DYNC1I1: variants seen among roughly 807,000 people sequenced by gnomAD.
DYNC1I1 encodes dynein cytoplasmic 1 intermediate chain 1.
DYNC1I1 carries 43 observed loss-of-function variants against 86.6 expected under a neutral mutation model. The observed-to-expected ratio is 0.50, with a 90% CI of 0.39 to 0.64. DYNC1I1 has a LOEUF of 0.64. DYNC1I1 is among the 30% of genes least tolerant of loss of function. The pLI is 0.00. For synonymous variants in DYNC1I1, 262 were observed against 283.7 expected (o/e 0.92, Z 0.77); for missense variants, 604 against 788.8 (o/e 0.77, Z 2.81).
At chr7:95,815,779 T>C (rs758040917) in intron 4 of DYNC1I1, among the ~76,000 whole-genome samples, 3 of 152,176 alleles carry the variant, frequency 2.0e-5, no homozygotes, top group African/African-American at 4.8e-5. Context: ...GGTAAATCTT[T>C]CAGAAGATAA....
chr7:95,994,366 T>A (rs1211266949), intron 9 of DYNC1I1, among the ~76,000 whole-genome samples: 1 of 152,124 alleles, frequency 6.6e-6, no homozygotes, highest in Non-Finnish European at 1.5e-5. Context: ...GGGCTTTAAT[T>A]GGCAGGACAG....
chr7:96,108,443 C>T (rs1320457931), intron 16 of DYNC1I1, among the ~76,000 whole-genome samples: 1 of 152,156 alleles, frequency 6.6e-6, no homozygotes, highest in East Asian at 1.9e-4. Context: ...ATGCTGTCCT[C>T]ATAAAATGAA....
At chr7:95,997,725 A>AT (rs1221423228) in intron 10 of DYNC1I1, among the ~76,000 whole-genome samples, 11 of 151,736 alleles carry the variant, frequency 7.2e-5, no homozygotes, top group Admixed American at 7.2e-4. Context: ...TATACTCGTG[A>AT]TTTTAAAAAA....
intron 1 of DYNC1I1, among the ~76,000 whole-genome samples, chr7:95,803,266 T>A (rs550701990): frequency 6.6e-6 from 1 of 152,324 alleles, no homozygotes; most frequent in Non-Finnish European, 1.5e-5. Flanking sequence ...AGAGAACATC[T>A]CCATCCACAC....
At chr7:95,940,157 C>G (rs527513920) in intron 6 of DYNC1I1, among the ~76,000 whole-genome samples, 1 of 152,266 alleles carries the variant, frequency 6.6e-6, no homozygotes, top group South Asian at 2.1e-4. Flanking sequence ...GAGTTTCTGC[C>G]GAGAGATCCG....
rs747092752 is a variant in DYNC1I1, at chr7:95,851,062, G to A, written c.375-18821G>A. ...TGCGATCCTCCTGCCTCAGCCTGCC[G>A]TGCAGCTGGGACCACAGCGTACCCT... On this transcript the variant is annotated intron_variant, in intron 5 of 16. Transcript: ENST00000447467. 5.3e-5 allele frequency among the ~76,000 whole-genome samples: 8 copies of A among 151,906 alleles called. No homozygotes were observed. The East Asian group carries it at 9.7e-4, about 18-fold the overall frequency.
chr7:96,050,034 CAAACAAAA>C (rs1439642219), intron 14 of DYNC1I1, among the ~76,000 whole-genome samples: 1 of 140,358 alleles, frequency 7.1e-6, no homozygotes, highest in Non-Finnish European at 1.5e-5. Context: ...AAAAAACAAA[CAAACAAAA>C]AAAAAAACAG....
chr7:95,904,361 C>G (rs1020518638), intron 6 of DYNC1I1, among the ~76,000 whole-genome samples: 1 of 152,098 alleles, frequency 6.6e-6, no homozygotes, highest in African/African-American at 2.4e-5. Context: ...GAAGGAGATG[C>G]ACCCTAGTAA....
chr7:95,861,975 A>C (rs1429894834), intron 5 of DYNC1I1, among the ~76,000 whole-genome samples: 1 of 152,216 alleles, frequency 6.6e-6, no homozygotes, highest in Non-Finnish European at 1.5e-5. Flanking sequence ...AAAATTAAGC[A>C]TAGGAAAACT....
intron 3 of DYNC1I1, among the ~76,000 whole-genome samples, chr7:95,812,566 G>A (rs545421546): frequency 6.6e-6 from 1 of 152,148 alleles, no homozygotes. Flanking sequence ...GGCAAAACAA[G>A]TCCCAAAGAC....
intron 5 of DYNC1I1, among the ~76,000 whole-genome samples, chr7:95,859,433 T>G (rs1789816137): frequency 6.6e-6 from 1 of 152,208 alleles, no homozygotes; most frequent in Non-Finnish European, 1.5e-5. Flanking sequence ...AGGATATACA[T>G]GCTTATTCCA....
chr7:96,028,482 G>A (rs1459759728), intron 11 of DYNC1I1, among the ~76,000 whole-genome samples, 161 bp downstream of exon 11: 11 of 152,188 alleles, frequency 7.2e-5, no homozygotes, highest in Admixed American at 7.2e-4. Flanking sequence ...AAAAGTAGAT[G>A]AAGGAAGCAC....
intron 10 of DYNC1I1, among the ~76,000 whole-genome samples, chr7:95,997,471 AT>A (rs1325235187): frequency 3.3e-5 from 5 of 152,070 alleles, no homozygotes; most frequent in African/African-American, 1.2e-4. Flanking sequence ...CTTTATCATG[AT>A]TTTTAAATTT....
chr7:96,075,284 G>C (rs939815136), intron 14 of DYNC1I1, among the ~76,000 whole-genome samples: 1 of 151,800 alleles, frequency 6.6e-6, no homozygotes, highest in Admixed American at 6.6e-5. Context: ...GTATGTTAAC[G>C]CATTTCCACA....
At chr7:95,932,697 T>G (rs1791930698) in intron 6 of DYNC1I1, among the ~76,000 whole-genome samples, 1 of 152,156 alleles carries the variant, frequency 6.6e-6, no homozygotes, top group Non-Finnish European at 1.5e-5. Flanking sequence ...TCACAAATGT[T>G]AAGTGATTTG....
At chr7:95,790,728 G>A (rs1019095894) in intron 1 of DYNC1I1, among the ~76,000 whole-genome samples, 2 of 152,192 alleles carry the variant, frequency 1.3e-5, no homozygotes, top group Admixed American at 6.5e-5. Context: ...ACAGAGTGGG[G>A]CAAGAGAAGA....
At chr7:95,957,188 T>C (rs1195764148) in intron 6 of DYNC1I1, among the ~76,000 whole-genome samples, 1 of 152,206 alleles carries the variant, frequency 6.6e-6, no homozygotes, top group Non-Finnish European at 1.5e-5. Context: ...TTATGTGAAA[T>C]ATTACTACCA....
At chr7:95,984,083 C>T (rs1793522551) in intron 7 of DYNC1I1, among the ~76,000 whole-genome samples, 1 of 152,168 alleles carries the variant, frequency 6.6e-6, no homozygotes, top group Admixed American at 6.6e-5. Flanking sequence ...GAAACTATGA[C>T]ATGCTACTAG....
intron 6 of DYNC1I1, among the ~76,000 whole-genome samples, chr7:95,938,700 T>G (rs1408122951): frequency 6.6e-6 from 1 of 152,078 alleles, no homozygotes; most frequent in African/African-American, 2.4e-5. Flanking sequence ...AGTAATAAGG[T>G]CATGTATTGA....
Sources: allele counts gnomAD v4.1 joint callset (sites outside exome capture counted in the v4.1 genomes callset), GRCh38; gene constraint gnomAD v4.1.1; transcripts MANE v1.5; gene names NCBI Gene and HGNC (gene_info 2026-07-23, HGNC 2026-07-21).